ERG: variants seen among roughly 807,000 people sequenced by gnomAD.
ERG encodes the protein transcriptional regulator ERG.
A neutral mutation model predicts 55.3 loss-of-function variants in ERG; 9 were observed. That is an observed-to-expected ratio of 0.16 (90% CI 0.10 to 0.28). The LOEUF (loss-of-function observed/expected upper bound fraction) is 0.28, where lower values mean the gene tolerates loss of function less well. Among genes scored for constraint, ERG ranks in the 10% least tolerant of loss-of-function variants. The pLI, the probability that ERG is intolerant of heterozygous loss-of-function variation, is 1.00. For synonymous variants in ERG, 223 were observed against 237.3 expected (o/e 0.94, Z 0.55); for missense variants, 434 against 631.6 (o/e 0.69, Z 3.35).
rs117343549 is a variant in ERG, at chr21:38,394,742, A to G, written c.746-2298T>C. ...CTCTAGACCATTGCTCTTTTCAGGA[A>G]CTCTGTTCCTGCAGATGATTTCAGA... On this transcript the variant is annotated intron_variant, in intron 6 of 9. Transcript: ENST00000288319. 1.1e-3 allele frequency among the ~76,000 whole-genome samples: 174 copies of G among 152,264 alleles called. 1 individual carries two copies. The highest frequency in any genetic ancestry group is 1.9e-3 in the Non-Finnish European group (127 of 68,018).
At chr21:38,648,226 AT>A (rs1028554396) in intron 1 of ERG, among the ~76,000 whole-genome samples, 1 of 151,976 alleles carries the variant, frequency 6.6e-6, no homozygotes, top group African/African-American at 2.4e-5. Context: ...CCTCATTTCC[AT>A]TTCTTCCTTA....
chr21:38,418,302 T>TGC (rs1569081587), intron 3 of ERG, among the ~76,000 whole-genome samples: 26 of 151,770 alleles, frequency 1.7e-4, no homozygotes, highest in African/African-American at 5.6e-4. Context: ...TGTGTGTGTG[T>TGC]CTGGGAAAGG....
At chr21:38,626,725 A>G (rs1210976285) in intron 1 of ERG, among the ~76,000 whole-genome samples, 1 of 152,236 alleles carries the variant, frequency 6.6e-6, no homozygotes, top group East Asian at 1.9e-4. Flanking sequence ...GTTTAACATT[A>G]CTGGCTAAAT....
chr21:38,516,288 G>A (rs1418622571), intron 2 of ERG, among the ~76,000 whole-genome samples: 2 of 151,564 alleles, frequency 1.3e-5, no homozygotes, highest in African/African-American at 4.8e-5. Context: ...AAAGTTGCAG[G>A]ATACAAAAAA....
chr21:38,465,197 T>C (rs1055810248), intron 1 of ERG, among the ~76,000 whole-genome samples: 1 of 152,200 alleles, frequency 6.6e-6, no homozygotes, highest in Non-Finnish European at 1.5e-5. Flanking sequence ...AAGTAGGTTT[T>C]TGTTAGTTGA....
intron 1 of ERG, among the ~76,000 whole-genome samples, chr21:38,660,855 G>T (rs550174596): frequency 1.3e-5 from 2 of 151,876 alleles, no homozygotes; most frequent in Non-Finnish European, 2.9e-5. Context: ...TCGAGTGCGC[G>T]CGTGTCCGTG....
intron 2 of ERG, among the ~76,000 whole-genome samples, chr21:38,444,373 C>T (rs1034345948): frequency 1.3e-5 from 2 of 152,046 alleles, no homozygotes; most frequent in Non-Finnish European, 2.9e-5. Flanking sequence ...AGGGGCTGCT[C>T]GGAGGACTGA....
intron 2 of ERG, among the ~76,000 whole-genome samples, chr21:38,427,905 C>T (rs551269391): frequency 2.6e-5 from 4 of 152,156 alleles, no homozygotes; most frequent in African/African-American, 7.2e-5. Flanking sequence ...AAGAAAAGGA[C>T]GCCAGGCACA....
chr21:38,466,300 G>GGGGGGTGTGTGT (rs1555903683), intron 1 of ERG, among the ~76,000 whole-genome samples: 3 of 140,604 alleles, frequency 2.1e-5, no homozygotes, highest in African/African-American at 8.0e-5. Flanking sequence ...GATGGTCTGG[G>GGGGGGTGTGTGT]GTGTGTGTGT....
chr21:38,538,323 A>C (rs552577778), intron 2 of ERG, among the ~76,000 whole-genome samples: 1 of 152,242 alleles, frequency 6.6e-6, no homozygotes, highest in South Asian at 2.1e-4. Flanking sequence ...TAGGATGATA[A>C]ATTTTATGTA....
At position 38,498,001 on chromosome 21, in the gene ERG, G is replaced by C. The variant is rs950515991; in HGVS notation, c.18+362C>G. ...ACAAACGCATCTTTTGCTTTGACCC[G>C]ACCCTTCAACCTCTCCGAGTCTGCT... On this transcript the variant is annotated intron_variant, in intron 1 of 9. Transcript: ENST00000288319. The surrounding 1 kb of genome is among the most constrained non-coding windows in gnomAD (Gnocchi z 4.6). 6.6e-6 allele frequency among the ~76,000 whole-genome samples: 1 copy of C among 152,124 alleles called. No individual in the cohort carries two copies. Among genetic ancestry groups the C allele is most frequent in the Non-Finnish European group, 1.5e-5 (1 of 68,026 alleles).
chr21:38,659,278 C>G (rs907554594), intron 1 of ERG, among the ~76,000 whole-genome samples: 1 of 152,200 alleles, frequency 6.6e-6, no homozygotes, highest in Non-Finnish European at 1.5e-5. Context: ...CATAGCTCAC[C>G]GTTTCTGCTA....
At chr21:38,432,186 C>G in intron 2 of ERG, among the ~76,000 whole-genome samples, 1 of 152,118 alleles carries the variant, frequency 6.6e-6, no homozygotes, top group East Asian at 1.9e-4. Flanking sequence ...TCTCAAACTC[C>G]TGGGCTCAAG....
At chr21:38,377,585 G>A (rs973962896), downstream of ERG, among the ~76,000 whole-genome samples, 4 of 152,218 alleles carry the variant, frequency 2.6e-5, no homozygotes, top group Admixed American at 6.5e-5. Flanking sequence ...ATAAAAAGTT[G>A]TTAACATCTT....
At chr21:38,406,396 G>A (rs1007767495) in intron 3 of ERG, among the ~76,000 whole-genome samples, 9 of 152,170 alleles carry the variant, frequency 5.9e-5, no homozygotes, top group Non-Finnish European at 1.3e-4. Flanking sequence ...GTCATTGGCT[G>A]AGAATTTGGC....
the ERG span, among the ~76,000 whole-genome samples, chr21:38,368,374 G>A: frequency 1.1e-4 from 16 of 142,596 alleles, no homozygotes; most frequent in East Asian, 2.4e-3. Flanking sequence ...CCTTTGGTGC[G>A]ACAGTGAGTT....
chr21:38,469,782 C>T (rs1047939825), intron 1 of ERG, among the ~76,000 whole-genome samples: 1 of 152,140 alleles, frequency 6.6e-6, no homozygotes, highest in Admixed American at 6.5e-5. Flanking sequence ...TTGGAGTAGT[C>T]ATTATAACCT....
At chr21:38,621,951 C>G (rs2146943510) in intron 1 of ERG, among the ~76,000 whole-genome samples, 1 of 152,336 alleles carries the variant, frequency 6.6e-6, no homozygotes, top group East Asian at 1.9e-4. Context: ...TTACAGGAGA[C>G]AGAGGCTCTC....
At chr21:38,400,961 A>C (rs1988462605) in intron 5 of ERG, among the ~76,000 whole-genome samples, 1 of 152,258 alleles carries the variant, frequency 6.6e-6, no homozygotes, top group Non-Finnish European at 1.5e-5. Flanking sequence ...GTTTTATTAA[A>C]AAATTATATG....
Sources: allele counts gnomAD v4.1 joint callset (sites outside exome capture counted in the v4.1 genomes callset), GRCh38; gene constraint gnomAD v4.1.1; non-coding constraint Gnocchi (gnomAD v3.1); transcripts MANE v1.5; gene names NCBI Gene and HGNC (gene_info 2026-07-23, HGNC 2026-07-21).